The following PCDHGA6 variants were observed in gnomAD, a reference collection of about 807,000 sequenced individuals.
PCDHGA6 encodes protocadherin gamma subfamily A, 6, also known as protocadherin gamma-A6.
A neutral mutation model predicts 60.6 loss-of-function variants in PCDHGA6; 41 were observed. The observed-to-expected ratio is 0.68, with a 90% CI of 0.53 to 0.88. The LOEUF (loss-of-function observed/expected upper bound fraction) is 0.88, where lower values mean the gene tolerates loss of function less well. PCDHGA6 is among the 40% of genes least tolerant of loss of function. The pLI, the probability that PCDHGA6 is intolerant of heterozygous loss-of-function variation, is 0.00. For synonymous variants in PCDHGA6, 594 were observed against 524.4 expected (o/e 1.13, Z -1.81); for missense variants, 1,312 against 1,203.0 (o/e 1.09, Z -1.34).
At chr5:141,412,001 A>G (rs2095528527) in intron 1 of PCDHGA6, 1 of 151,750 alleles carries the variant, frequency 6.6e-6, no homozygotes, top group Non-Finnish European at 1.5e-5. Flanking sequence ...GCATAGTGAC[A>G]TAAACACTTC....
chr5:141,505,072 G>A (rs1374916789), intron 2 of PCDHGA6, among the ~76,000 whole-genome samples: 1 of 152,228 alleles, frequency 6.6e-6, no homozygotes. Context: ...TGAGGCAGGA[G>A]AATCGCTTGA....
Position 141,477,068 on chromosome 5 carries a change from C to G in PCDHGA6, c.2425-17739C>G. The G allele has an allele frequency of 6.2e-7, 1 of 1,614,268 alleles. No individual in the cohort carries two copies. Among genetic ancestry groups the G allele is most frequent in the Non-Finnish European group, 8.5e-7 (1 of 1,180,046 alleles). On this transcript the variant is annotated intron_variant, in intron 1 of 3. Coordinates refer to ENST00000517434, the MANE Select transcript of PCDHGA6 (RefSeq NM_018919.3). This position sits in a 1 kb window ranked among gnomAD's most constrained non-coding sequence, Gnocchi z 4.9. ...GCTGGACTTCGAGGACACCAAACTC[C>G]ATGAGATTTACATCCAGGCCAAAGA...
intron 1 of PCDHGA6, among the ~76,000 whole-genome samples, chr5:141,429,781 A>G (rs2097245343): frequency 1.3e-5 from 2 of 152,186 alleles, no homozygotes; most frequent in Non-Finnish European, 2.9e-5. Context: ...TGGGCTTCCA[A>G]AAGTATTACC....
rs998564450 is a variant in PCDHGA6 at position 141,401,627 on chromosome 5, G to T, written c.2424+25120G>T. The stretch of plus-strand genomic sequence containing the variant: ...AAAAAGACACCGGATTTGTCTTATC[G>T]TTTGGAGCTTTAAATATAAATGACT... On this transcript the variant is annotated intron_variant, in intron 1 of 3. Coordinates refer to ENST00000517434, the MANE Select transcript of PCDHGA6 (RefSeq NM_018919.3). Among the ~76,000 whole-genome samples the T allele has an allele frequency of 2.6e-5, 4 of 152,294 alleles. No homozygotes were observed. In the South Asian group the frequency reaches 8.3e-4, roughly 32 times the overall value.
At chr5:141,403,748 G>A in intron 1 of PCDHGA6, 1 of 1,613,956 alleles carries the variant, frequency 6.2e-7, no homozygotes, top group East Asian at 2.2e-5. Context: ...TACTGCAACA[G>A]CCAGCGACCT....
At position 141,497,540 on chromosome 5, in the gene PCDHGA6, C is replaced by CT. The variant is rs754207034; in HGVS notation, c.2483+2693dup. On this transcript the variant is annotated intron_variant, in intron 2 of 3. Transcript: ENST00000517434. Reference sequence around the variant, plus strand: ...TTAACTTGTGGAGGATGCAACAAACCTTTTTTTTTTTTTTTTTTAGACAGA... The same window carrying CT: ...TTAACTTGTGGAGGATGCAACAAACCTTTTTTTTTTTTTTTTTTTAGACAGA... Among the ~76,000 whole-genome samples, 618 of 134,908 alleles carry CT rather than the reference C, an allele frequency of 4.6e-3. 3 individuals carry two copies. The highest frequency in any genetic ancestry group is 0.012 in the African/African-American group (419 of 35,974). 88.5% of individuals were successfully genotyped at this position (134,908 alleles called of 152,430 possible). A position where few individuals can be genotyped will look rare whatever the true frequency, so the allele number is the denominator to read the frequency against.
intron 1 of PCDHGA6, chr5:141,385,892 G>A (rs544548013): frequency 1.3e-5 from 2 of 152,934 alleles, no homozygotes; most frequent in South Asian, 2.1e-4. Context: ...AGAATGAAAT[G>A]TGTGTGTATC....
At chr5:141,435,271 T>C (rs1242477213) in intron 1 of PCDHGA6, among the ~76,000 whole-genome samples, 1 of 152,216 alleles carries the variant, frequency 6.6e-6, no homozygotes, top group African/African-American at 2.4e-5. Context: ...CCATTTATAC[T>C]TTCTCAGTAT....
chr5:141,404,485 T>C (rs780359921), intron 1 of PCDHGA6: 2 of 1,613,490 alleles, frequency 1.2e-6, no homozygotes, highest in Admixed American at 1.7e-5. Context: ...ACTCAGACAC[T>C]GGTGTGCTGT....
intron 1 of PCDHGA6, among the ~76,000 whole-genome samples, chr5:141,386,239 T>C (rs940209503): frequency 2.0e-5 from 3 of 152,238 alleles, no homozygotes; most frequent in Non-Finnish European, 2.9e-5. Flanking sequence ...AAAAATTCAG[T>C]TGGAAATAAC....
intron 1 of PCDHGA6, chr5:141,419,742 T>C (rs1388509503): frequency 2.5e-5 from 41 of 1,613,742 alleles, no homozygotes; most frequent in Non-Finnish European, 3.5e-5. Context: ...GAGGTGCGCA[T>C]GGTGCGTGCT....
intron 1 of PCDHGA6, among the ~76,000 whole-genome samples, chr5:141,438,598 AT>A (rs1433028092): frequency 6.7e-5 from 2 of 29,776 alleles, no homozygotes; most frequent in Non-Finnish European, 1.4e-4. Context: ...ATACATATAT[AT>A]ATATATATAT....
chr5:141,381,758 A>C (rs1777407424), intron 1 of PCDHGA6, among the ~76,000 whole-genome samples: 1 of 151,374 alleles, frequency 6.6e-6, no homozygotes. Context: ...TTGTTCTACT[A>C]CTATATAATC....
At chr5:141,422,891 A>G in intron 1 of PCDHGA6, 3 of 1,614,192 alleles carry the variant, frequency 1.9e-6, no homozygotes, top group Non-Finnish European at 2.5e-6. Context: ...TTCGTGCTGG[A>G]CCAGAACGAC....
intron 1 of PCDHGA6, among the ~76,000 whole-genome samples, chr5:141,488,236 T>A (rs1333427955): frequency 6.6e-6 from 1 of 152,154 alleles, no homozygotes; most frequent in Admixed American, 6.5e-5. Context: ...TTGAACTAGA[T>A]GCGGTAAATT....
At position 141,376,432 on chromosome 5, in the gene PCDHGA6, G is replaced by C. The variant is rs1402207776; in HGVS notation, c.2349G>C (p.Glu783Asp). ...PNYADTLINQ[E>D]SYEKSEPLLI... ...ATGCCGACACGCTTATCAACCAGGA[G>C]AGCTATGAGAAAAGCGAGCCTCTTC... The change falls in exon 1 of 4, where the codon GAG becomes GAC. Residue 783 changes from glutamate to aspartate, a missense_variant. Coordinates refer to ENST00000517434, the MANE Select transcript of PCDHGA6 (RefSeq NM_018919.3). 3.7e-6 allele frequency: 6 copies of C among 1,614,084 alleles called. No individual in the cohort carries two copies. Among genetic ancestry groups the C allele is most frequent in the African/African-American group, 1.3e-5 (1 of 74,932 alleles).
chr5:141,468,763 G>A (rs1341363934), intron 1 of PCDHGA6, among the ~76,000 whole-genome samples: 1 of 152,078 alleles, frequency 6.6e-6, no homozygotes, highest in Non-Finnish European at 1.5e-5. Flanking sequence ...CTACTCGGGA[G>A]GCTGAGGCAG....
rs752316565 is a variant in PCDHGA6 at position 141,487,235 on chromosome 5, C to T, written c.2425-7572C>T. On this transcript the variant is annotated intron_variant, in intron 1 of 3. Coordinates refer to ENST00000517434, the MANE Select transcript of PCDHGA6 (RefSeq NM_018919.3). This position sits in a 1 kb window ranked among gnomAD's most constrained non-coding sequence, Gnocchi z 5.0. The stretch of plus-strand genomic sequence containing the variant: ...TTCAGCTCCAAGGGAAGGAGAATCT[C>T]GTCTAACCCTCTACTTGGCTGTGTC... The T allele has an allele frequency of 2.5e-6, 4 of 1,614,126 alleles. No individual in the cohort carries two copies. Among genetic ancestry groups the T allele is most frequent in the Non-Finnish European group, 3.4e-6 (4 of 1,179,994 alleles).
At chr5:141,417,030 T>G (rs1460954160) in intron 1 of PCDHGA6, 1 of 86,454 alleles carries the variant, frequency 1.2e-5, no homozygotes, top group East Asian at 2.9e-4. Flanking sequence ...AAATACAGGT[T>G]TTTTTTTTAA....
Sources: allele counts gnomAD v4.1 joint callset (sites outside exome capture counted in the v4.1 genomes callset), GRCh38; gene constraint gnomAD v4.1.1; non-coding constraint Gnocchi (gnomAD v3.1); transcripts MANE v1.5; gene names NCBI Gene and HGNC (gene_info 2026-07-23, HGNC 2026-07-21).